INPP5D: variants seen among roughly 807,000 people sequenced by gnomAD.
The protein encoded by INPP5D is inositol polyphosphate-5-phosphatase D.
Under a neutral mutation model 122.9 loss-of-function variants are expected in INPP5D, and 33 were observed. The observed-to-expected ratio is 0.27, with a 90% CI of 0.20 to 0.36. The LOEUF (loss-of-function observed/expected upper bound fraction) is 0.36. Among genes scored for constraint, INPP5D ranks in the 10% least tolerant of loss-of-function variants. The pLI, the probability that INPP5D is intolerant of heterozygous loss-of-function variation, is 1.00. For synonymous variants in INPP5D, 584 were observed against 576.2 expected, an observed-to-expected ratio of 1.01 and a Z score of -0.19; for missense variants, 1,053 against 1,412.7, an observed-to-expected ratio of 0.75 and a Z score of 4.08.
intron 6 of INPP5D, among the ~76,000 whole-genome samples, chr2:233,144,719 AGGTGGGCATGATCATGGTGGGAGTGATAG>A (rs1693712952): frequency 6.9e-6 from 1 of 144,728 alleles, no homozygotes; most frequent in Admixed American, 6.9e-5. Flanking sequence ...GTGATGGTGG[AGGTGGGCATGATCATGGTGGGAGTGATAG>A]GGGTGGAGAT....
At chr2:233,203,050 C>T (rs1225020582) in intron 25 of INPP5D, among the ~76,000 whole-genome samples, 3 of 152,266 alleles carry the variant, frequency 2.0e-5, no homozygotes, top group Middle Eastern at 6.8e-3. Context: ...CTGTGTTAAC[C>T]GGGATGTCGG....
Position 233,060,370 on chromosome 2 carries a change from AC to A in INPP5D, c.-107del, listed in dbSNP as rs757380022. ...TAAGCTGGTGGCAGCAGCCGAGGCCACCAAGAGGCAACGGGCGGCAGGTTGC... is the reference window on the plus strand; with the variant it reads ...TAAGCTGGTGGCAGCAGCCGAGGCCACAAGAGGCAACGGGCGGCAGGTTGC... On this transcript the variant is annotated 5_prime_UTR_variant, in exon 1 of 27. Transcript: ENST00000445964. The A allele has an allele frequency of 5.9e-5, 78 of 1,316,768 alleles. 1 individual carries two copies. Among genetic ancestry groups the A allele is most frequent in the Non-Finnish European group, 7.8e-5 (76 of 972,750 alleles). The allele number at this position is 1,316,768 out of a possible 1,614,324, so 81.6% of individuals were successfully genotyped here.
chr2:233,164,357 T>G lies in INPP5D; in HGVS notation c.1488T>G (p.Pro496=). The G allele has an allele frequency of 6.4e-7, 1 of 1,552,802 alleles. No individual in the cohort carries two copies. Among genetic ancestry groups the G allele is most frequent in the Non-Finnish European group, 8.7e-7 (1 of 1,147,646 alleles). ...TCCGCATCGTGGTGCTGGCCAAGCC[T>G]GAGCACGAGAACCGGATCAGCCACA... ...WNIRIVVLAK[P]EHENRISHIC... The change falls in exon 13 of 27, where the codon CCT becomes CCG. Residue 496 remains proline, a synonymous_variant. Transcript: ENST00000445964. This position sits in a 1 kb window ranked among gnomAD's most constrained non-coding sequence, Gnocchi z 4.3.
At chr2:233,092,502 G>C (rs1692019021) in intron 2 of INPP5D, among the ~76,000 whole-genome samples, 1 of 152,172 alleles carries the variant, frequency 6.6e-6, no homozygotes, top group Admixed American at 6.5e-5. Flanking sequence ...TTTTAGCATT[G>C]ATGAGCCTGT....
intron 6 of INPP5D, chr2:233,145,145 A>T: frequency 2.3e-6 from 1 of 444,380 alleles, no homozygotes; most frequent in Non-Finnish European, 4.5e-6. Flanking sequence ...ACATTTCCAC[A>T]CCTGGCAGCA....
chr2:233,107,385 G>A (rs1692497499), intron 2 of INPP5D, among the ~76,000 whole-genome samples: 1 of 152,140 alleles, frequency 6.6e-6, no homozygotes. Context: ...GACCTCCCAG[G>A]TTTCTCCTAG....
rs1263451799 is a variant in INPP5D, at chr2:233,188,305, C to T, written c.2359-1545C>T. On this transcript the variant is annotated intron_variant, in intron 21 of 26. Transcript: ENST00000445964. The surrounding 1 kb of genome is among the most constrained non-coding windows in gnomAD (Gnocchi z 4.7). ...CCCTGTAAATCCCTGCTGTGGCCCC[C>T]TAGATAGTTCTCCTCCCTGCCACCG... is the stretch of plus-strand genomic sequence containing the variant. Among the ~76,000 whole-genome samples, 1 of 152,088 alleles carries T rather than the reference C, an allele frequency of 6.6e-6. No individual in the cohort carries two copies. Among genetic ancestry groups the T allele is most frequent in the Non-Finnish European group, 1.5e-5 (1 of 67,986 alleles).
At chr2:233,141,054 G>C (rs1335864802) in intron 6 of INPP5D, 1 of 152,174 alleles carries the variant, frequency 6.6e-6, no homozygotes, top group African/African-American at 2.4e-5. Context: ...TGCTCAAGTT[G>C]ATGGTTGAGT....
intron 17 of INPP5D, 97 bp downstream of exon 17, chr2:233,171,249 CAAA>C: frequency 1.7e-6 from 2 of 1,150,010 alleles, no homozygotes; most frequent in Non-Finnish European, 2.3e-6. Flanking sequence ...ATCCATTAGG[CAAA>C]AAAAAAAGGA....
intron 13 of INPP5D, 113 bp from the exon 14 acceptor site, chr2:233,169,192 C>G: frequency 1.3e-6 from 2 of 1,486,166 alleles, no homozygotes; most frequent in Non-Finnish European, 1.8e-6. Flanking sequence ...TTCGCCCATC[C>G]CTTGCCAGCT....
At chr2:233,135,131 GT>G (rs1693432919) in intron 5 of INPP5D, among the ~76,000 whole-genome samples, 1 of 149,996 alleles carries the variant, frequency 6.7e-6, no homozygotes, top group Non-Finnish European at 1.5e-5. Context: ...CTAAATCTAA[GT>G]TTTGAGAAGC....
At position 233,206,890 on chromosome 2, in the gene INPP5D, C is replaced by A; in HGVS notation, c.*182C>A. Reference sequence around the variant, plus strand: ...GTTCACTGCCTGTGAGACTTAGCACCAAGTGCTGAGGCTGGAAGAAAAACG... The same window carrying A: ...GTTCACTGCCTGTGAGACTTAGCACAAAGTGCTGAGGCTGGAAGAAAAACG... On this transcript the variant is annotated 3_prime_UTR_variant, in exon 27 of 27. Transcript: ENST00000445964. The surrounding 1 kb of genome is among the most constrained non-coding windows in gnomAD (Gnocchi z 4.0). 2 of 593,776 alleles carry A rather than the reference C, an allele frequency of 3.4e-6. No homozygotes were observed. Among genetic ancestry groups the A allele is most frequent in the South Asian group, 1.9e-5 (1 of 52,732 alleles). The allele number at this position is 593,776 out of a possible 1,614,324, so 36.8% of individuals were successfully genotyped here.
chr2:233,104,296 A>G (rs999431935), intron 2 of INPP5D, among the ~76,000 whole-genome samples: 1 of 152,190 alleles, frequency 6.6e-6, no homozygotes, highest in Non-Finnish European at 1.5e-5. Flanking sequence ...TAGGAAGACT[A>G]ACAGAAACTT....
rs567299933 is a variant in INPP5D at position 233,192,674 on chromosome 2, G to C, written c.2447-1138G>C. On this transcript the variant is annotated intron_variant, in intron 22 of 26. Transcript: ENST00000445964. ...TGAGGCTCTGTCAGTTGTTTTTGTT[G>C]GTGCTATCAGTAACACTGAGATGAA... Among the ~76,000 whole-genome samples the C allele has an allele frequency of 3.9e-5, 6 of 152,160 alleles. No homozygotes were observed. In the South Asian group the frequency reaches 1.2e-3, roughly 32 times the overall value.
At chr2:233,111,070 G>A (rs1202558515) in intron 2 of INPP5D, among the ~76,000 whole-genome samples, 2 of 152,102 alleles carry the variant, frequency 1.3e-5, no homozygotes, top group South Asian at 2.1e-4. Flanking sequence ...TTAGCATACT[G>A]TTTATCATCA....
chr2:233,086,188 T>C (rs1039233658), intron 2 of INPP5D, among the ~76,000 whole-genome samples: 3 of 145,800 alleles, frequency 2.1e-5, no homozygotes, highest in Non-Finnish European at 4.5e-5. Flanking sequence ...TTTCTTTCTT[T>C]CCTTTTTGAG....
At chr2:233,108,761 C>T (rs1471930230) in intron 2 of INPP5D, among the ~76,000 whole-genome samples, 2 of 152,226 alleles carry the variant, frequency 1.3e-5, no homozygotes, top group East Asian at 1.9e-4. Flanking sequence ...CAGCACGGGG[C>T]ACCGTTCCTT....
In INPP5D at chr2:233,158,437, T is replaced by C. The variant is rs1694111749; in HGVS notation, c.1137+18T>C. 1 of 699,620 alleles carries C rather than the reference T, an allele frequency of 1.4e-6. No individual in the cohort carries two copies. 43.3% of individuals were successfully genotyped at this position (699,620 alleles called of 1,614,324 possible). ...ACTCCAAAGTAAGTGACAGCAAACT[T>C]CTAAAATGGGCTGTGAGGTAGGGAG... On this transcript the variant is annotated intron_variant, in intron 10 of 26. Coordinates refer to ENST00000445964, the MANE Select transcript of INPP5D (RefSeq NM_001017915.3).
chr2:233,155,877 A>T (rs777471522), intron 9 of INPP5D, among the ~76,000 whole-genome samples: 15 of 152,294 alleles, frequency 9.8e-5, no homozygotes, highest in Non-Finnish European at 1.8e-4. Flanking sequence ...AAAAGATCCT[A>T]AAAATGTTCA....
Sources: allele counts gnomAD v4.1 joint callset (sites outside exome capture counted in the v4.1 genomes callset), GRCh38; gene constraint gnomAD v4.1.1; non-coding constraint Gnocchi (gnomAD v3.1); transcripts MANE v1.5; gene names NCBI Gene and HGNC (gene_info 2026-07-23, HGNC 2026-07-21).